MPRIP: variants seen among roughly 807,000 people sequenced by gnomAD.
The protein encoded by MPRIP is myosin phosphatase Rho-interacting protein.
Under a neutral mutation model 234.9 loss-of-function variants are expected in MPRIP, and 59 were observed. The ratio of observed to expected loss-of-function variants is 0.25; its 90% CI spans 0.20 to 0.31. The LOEUF is 0.31. Ranked by LOEUF, MPRIP falls within the 10% of genes least tolerant of loss-of-function variation. MPRIP has a pLI of 1.00. For synonymous variants in MPRIP, 1,144 were observed against 1,263.9 expected (o/e 0.91, Z 2.01); for missense variants, 2,436 against 3,071.0 (o/e 0.79, Z 4.89).
rs752823769 is a variant in MPRIP, at chr17:17,143,591, A to G, written c.1425A>G (p.Pro475=). ...FTNEAPPAPL[P]DASASPLSPH... ...ATGAAGCCCCCCCAGCTCCTCTCCCAGACGCCTCGGCTTCCCCCCTGTCTC... is the reference window on the plus strand; with the variant it reads ...ATGAAGCCCCCCCAGCTCCTCTCCCGGACGCCTCGGCTTCCCCCCTGTCTC... Residue 475 remains proline (P), a synonymous_variant, in exon 9 of 24, where the codon CCA becomes CCG. Coordinates refer to ENST00000651222, the MANE Select transcript of MPRIP (RefSeq NM_001364716.4). 7.5e-6 allele frequency: 12 copies of G among 1,602,160 alleles called. No homozygotes were observed. Among genetic ancestry groups the G allele is most frequent in the Non-Finnish European group, 9.4e-6 (11 of 1,174,744 alleles).
rs558925516 is a variant in MPRIP, at chr17:17,133,970, G to T, written c.505-2249G>T. ...TTCCAGCCAGGTGTGCAGGCCCCGG[G>T]TCTCCACTCCTCTGGTGGAGCTGAA... On this transcript the variant is annotated intron_variant, in intron 5 of 23. Transcript: ENST00000651222. Among the ~76,000 whole-genome samples the T allele has an allele frequency of 1.1e-4, 17 of 152,278 alleles. No individual in the cohort carries two copies. In the East Asian group the frequency reaches 3.1e-3, roughly 28 times the overall value.
intron 14 of MPRIP, among the ~76,000 whole-genome samples, chr17:17,159,702 C>CA (rs2045820061): frequency 6.6e-6 from 1 of 152,206 alleles, no homozygotes; most frequent in Non-Finnish European, 1.5e-5. Context: ...CATGTCTGGG[C>CA]AGGGAGTCTC....
intron 23 of MPRIP, among the ~76,000 whole-genome samples, chr17:17,181,242 G>C (rs1241887718): frequency 6.6e-6 from 1 of 152,172 alleles, no homozygotes; most frequent in Non-Finnish European, 1.5e-5. Flanking sequence ...GCCATTGAAG[G>C]CCCTATGCCA....
chr17:17,121,671 T>G lies in MPRIP; in HGVS notation c.268-5031T>G, dbSNP rs142056131. ...GGAGCTATTTTCTTTTTCTTTTTCTTTTTTTAAGTTCAGGGGTGCAAGTGC... is the reference window on the plus strand; with the variant it reads ...GGAGCTATTTTCTTTTTCTTTTTCTGTTTTTAAGTTCAGGGGTGCAAGTGC... On this transcript the variant is annotated intron_variant, in intron 3 of 23. Transcript: ENST00000651222. Among the ~76,000 whole-genome samples the G allele has an allele frequency of 1.9e-4, 29 of 152,208 alleles. 1 individual carries two copies. The East Asian group carries it at 3.9e-3, about 20-fold the overall frequency.
rs1199956884 is a variant in MPRIP at position 17,177,291 on chromosome 17, A to G, written c.6999A>G (p.Thr2333=). The stretch of plus-strand genomic sequence containing the variant: ...GTGACAAGTACAAAGACATCTACAC[A>G]GAGCTCAGCATCGCGAAGGCTAAGG... The part of the protein sequence containing the change: ...YASDKYKDIY[T]ELSIAKAKAD... The change falls in exon 22 of 24, where the codon ACA becomes ACG. Residue 2333 remains threonine (T), a synonymous_variant. Coordinates refer to ENST00000651222, the MANE Select transcript of MPRIP (RefSeq NM_001364716.4). The G allele has an allele frequency of 3.1e-6, 5 of 1,614,098 alleles. No homozygotes were observed. The highest frequency in any genetic ancestry group is 4.2e-6 in the Non-Finnish European group (5 of 1,180,030).
chr17:17,140,684 G>A (rs981974955), intron 7 of MPRIP, among the ~76,000 whole-genome samples: 32 of 152,338 alleles, frequency 2.1e-4, no homozygotes, highest in African/African-American at 7.7e-4. Flanking sequence ...AAGCCTATCT[G>A]AACCTGACCG....
Position 17,121,957 on chromosome 17 carries a change from C to G in MPRIP, c.268-4745C>G, listed in dbSNP as rs532659169. 2.0e-5 allele frequency among the ~76,000 whole-genome samples: 3 copies of G among 152,302 alleles called. No individual in the cohort carries two copies. The East Asian group carries it at 5.8e-4, about 29-fold the overall frequency. On this transcript the variant is annotated intron_variant, in intron 3 of 23. Transcript: ENST00000651222. Reference sequence around the variant, plus strand: ...GTTCGTTTGCTAAAGATAGTGGCCTCCAGCTCCATCCATGTCCCTGCAAAG... The same window carrying G: ...GTTCGTTTGCTAAAGATAGTGGCCTGCAGCTCCATCCATGTCCCTGCAAAG...
At position 17,161,267 on chromosome 17, in the gene MPRIP, GA is replaced by G; in HGVS notation, c.2429del (p.Asp810AlafsTer13). ...GGAGCAGAGCCAGAAGGAGGCCTCA[GA>G]CCTTCTGGAGCAGAACCGGCTCCTG... is the stretch of plus-strand genomic sequence containing the variant. ...ELEQSQKEAS[D>X]LLEQNRLLQD... On this transcript the variant is annotated frameshift_variant, in exon 15 of 24. Coordinates refer to ENST00000651222, the MANE Select transcript of MPRIP (RefSeq NM_001364716.4). LOFTEE classifies it high-confidence loss of function. 1 of 1,603,162 alleles carries G rather than the reference GA, an allele frequency of 6.2e-7. No homozygotes were observed. Among genetic ancestry groups the G allele is most frequent in the African/African-American group, 1.3e-5 (1 of 74,932 alleles).
rs561447511 is a variant in MPRIP at position 17,173,861 on chromosome 17, T to C, written c.6591-55T>C. The C allele has an allele frequency of 2.2e-4, 357 of 1,609,034 alleles. 3 individuals are homozygous for C. The highest frequency in any genetic ancestry group is 3.3e-4 in the Middle Eastern group (2 of 6,058). On this transcript the variant is annotated intron_variant, in intron 18 of 23. Transcript: ENST00000651222. ...CTGGTGTCAAGGAGGGACACCGGCC[T>C]CTGAGAGGCCTTGTCCAGAAGCAGG...
chr17:17,090,730 G>A (rs986983668), intron 3 of MPRIP, among the ~76,000 whole-genome samples: 4 of 152,196 alleles, frequency 2.6e-5, no homozygotes, highest in Non-Finnish European at 5.9e-5. Context: ...GAAAATGGTC[G>A]CATGAGGAGA....
chr17:17,119,371 G>T (rs143919338), intron 3 of MPRIP, among the ~76,000 whole-genome samples: 1 of 152,252 alleles, frequency 6.6e-6, no homozygotes, highest in African/African-American at 2.4e-5. Flanking sequence ...AGGCTGGGTA[G>T]CCCTGCCTAC....
chr17:17,184,993 A>G lies in MPRIP; in HGVS notation c.*99A>G. The stretch of plus-strand genomic sequence containing the variant: ...GTACCTTTGTTTTATTATTATTATT[A>G]TTATTGCTGTTGTTGTCATCGTTAA... On this transcript the variant is annotated 3_prime_UTR_variant, in exon 24 of 24. Transcript: ENST00000651222. 1 of 803,414 alleles carries G rather than the reference A, an allele frequency of 1.2e-6. No individual in the cohort carries two copies. Among genetic ancestry groups the G allele is most frequent in the Non-Finnish European group, 2.1e-6 (1 of 473,756 alleles). 49.8% of individuals were successfully genotyped at this position (803,414 alleles called of 1,614,324 possible).
rs2089396196 is a variant in MPRIP, at chr17:17,078,836, A to T, written c.267+760A>T. Among the ~76,000 whole-genome samples, 5 of 152,244 alleles carry T rather than the reference A, an allele frequency of 3.3e-5. No individual in the cohort carries two copies. Among genetic ancestry groups the T allele is most frequent in the Admixed American group, 2.0e-4 (3 of 15,286 alleles). ...TTCCAAACTTTGTAAAGGGTTGAAG[A>T]TGCGAGATTTGATCGCCTTTTCCAG... On this transcript the variant is annotated intron_variant, in intron 3 of 23. Transcript: ENST00000651222. The surrounding 1 kb of genome is among the most constrained non-coding windows in gnomAD (Gnocchi z 4.3).
intron 3 of MPRIP, among the ~76,000 whole-genome samples, chr17:17,113,066 G>A (rs1333972681): frequency 1.3e-5 from 2 of 152,164 alleles, no homozygotes; most frequent in East Asian, 3.9e-4. Flanking sequence ...CCAGGGTTGG[G>A]GCTGGAACTG....
chr17:17,173,314 T>C (rs2046184826), intron 18 of MPRIP, among the ~76,000 whole-genome samples: 2 of 152,248 alleles, frequency 1.3e-5, no homozygotes, highest in Non-Finnish European at 2.9e-5. Flanking sequence ...TTGGCCACCA[T>C]GAGCCTCACG....
At chr17:17,065,255 A>C (rs1227168288) in intron 1 of MPRIP, among the ~76,000 whole-genome samples, 1 of 152,124 alleles carries the variant, frequency 6.6e-6, no homozygotes, top group Non-Finnish European at 1.5e-5. Context: ...TTATCTTTTC[A>C]TCTTCCTTAG....
chr17:17,046,408 G>A (rs2088353300), intron 1 of MPRIP, among the ~76,000 whole-genome samples: 1 of 152,104 alleles, frequency 6.6e-6, no homozygotes, highest in African/African-American at 2.4e-5. Context: ...GTATTTCTCT[G>A]GGGGCAGATA....
At chr17:17,058,585 A>G (rs4985715) in intron 1 of MPRIP, among the ~76,000 whole-genome samples, 19,322 of 152,036 alleles carry the variant, frequency 0.13, 1,945 homozygotes, top group African/African-American at 0.27. Context: ...GGAGGGCTCC[A>G]GGTCCATTGA....
intron 1 of MPRIP, among the ~76,000 whole-genome samples, chr17:17,070,230 G>T (rs1031217687): frequency 2.6e-5 from 4 of 151,940 alleles, no homozygotes; most frequent in African/African-American, 9.7e-5. Context: ...TTTAGTTATT[G>T]TATGTCTTGG....
Sources: gnomAD v4.1 joint callset for allele counts (sites outside exome capture counted in the v4.1 genomes callset) on GRCh38, gnomAD v4.1.1 for gene constraint, Gnocchi (gnomAD v3.1) non-coding constraint, MANE v1.5 for transcripts, NCBI Gene and HGNC (gene_info 2026-07-23, HGNC 2026-07-21) for gene names.